Variants in SLC25A16 observed in about 807,000 individuals in gnomAD.
SLC25A16 encodes the protein mitochondrial coenzyme A transporter SLC25A16.
A neutral mutation model predicts 41.5 loss-of-function variants in SLC25A16; 39 were observed. The ratio of observed to expected loss-of-function variants is 0.94; its 90% CI spans 0.73 to 1.23. The LOEUF (loss-of-function observed/expected upper bound fraction) is 1.23, where lower values mean the gene tolerates loss of function less well. Ranked by LOEUF, SLC25A16 falls within the 50% of genes most tolerant of loss-of-function variation. The probability of loss-of-function intolerance (pLI) is 0.00; values close to 1 mark genes in which losing one functional copy is unlikely to be tolerated. For synonymous variants in SLC25A16, 146 were observed against 147.8 expected (o/e 0.99, Z 0.09); for missense variants, 421 against 426.9 (o/e 0.99, Z 0.12).
In SLC25A16 at chr10:68,512,500, G is replaced by T. The variant is rs566864855; in HGVS notation, c.223+4251C>A. Among the ~76,000 whole-genome samples the T allele has an allele frequency of 1.6e-5, 2 of 128,900 alleles. 1 individual carries two copies. Among genetic ancestry groups the T allele is most frequent in the Admixed American group, 1.6e-4 (2 of 12,198 alleles). 84.6% of individuals were successfully genotyped at this position (128,900 alleles called of 152,430 possible). ...AAAAAATACAAAAAATTAGCCGGGC[G>T]TAGTGGCGGGCGCCTGTAGTCCCAG... On this transcript the variant is annotated intron_variant, in intron 2 of 8. Transcript: ENST00000609923.
intron 1 of SLC25A16, among the ~76,000 whole-genome samples, chr10:68,520,697 AGCTACACGGGAG>A (rs1308972511): frequency 2.0e-5 from 3 of 151,952 alleles, no homozygotes; most frequent in Admixed American, 6.6e-5. Context: ...CTGTAATCCC[AGCTACACGGGAG>A]GCTGAGGCAG....
intron 2 of SLC25A16, among the ~76,000 whole-genome samples, chr10:68,509,168 C>T (rs1328856086): frequency 6.6e-6 from 1 of 151,880 alleles, no homozygotes; most frequent in Non-Finnish European, 1.5e-5. Context: ...GAAACCCTGT[C>T]TCTCCTAAAA....
chr10:68,516,558 G>T (rs1014012821), intron 2 of SLC25A16, among the ~76,000 whole-genome samples, 193 bp downstream of exon 2: 1 of 152,140 alleles, frequency 6.6e-6, no homozygotes, highest in African/African-American at 2.4e-5. Context: ...AAATATTTAA[G>T]AATGTTAGCA....
chr10:68,521,460 C>T (rs545582780), intron 1 of SLC25A16, among the ~76,000 whole-genome samples: 229 of 152,080 alleles, frequency 1.5e-3, no homozygotes, highest in Middle Eastern at 3.4e-3. Context: ...ACCCAAGAAG[C>T]GGATGTTTCA....
chr10:68,523,695 G>T (rs1472624353), intron 1 of SLC25A16, among the ~76,000 whole-genome samples: 1 of 152,026 alleles, frequency 6.6e-6, no homozygotes, highest in Non-Finnish European at 1.5e-5. Context: ...GGATGGTCTT[G>T]AACTCCTGAC....
At chr10:68,521,967 T>C (rs1053042334) in intron 1 of SLC25A16, among the ~76,000 whole-genome samples, 2 of 151,746 alleles carry the variant, frequency 1.3e-5, no homozygotes, top group Non-Finnish European at 2.9e-5. Context: ...TGGAGACCAG[T>C]CTGGCCAACA....
At chr10:68,521,646 T>A (rs1420429585) in intron 1 of SLC25A16, among the ~76,000 whole-genome samples, 1 of 141,744 alleles carries the variant, frequency 7.1e-6, no homozygotes, top group African/African-American at 2.7e-5. Flanking sequence ...CAGGCTGGAG[T>A]GCAGTGGCGG....
At chr10:68,497,710 G>A (rs776068267) in intron 4 of SLC25A16, among the ~76,000 whole-genome samples, 4 of 150,364 alleles carry the variant, frequency 2.7e-5, no homozygotes, top group African/African-American at 9.8e-5. Context: ...TCCGCCTCCC[G>A]GGTTCAAGCA....
At chr10:68,526,382 TTTGTCTGCTGACCCTCTCCCCACAA>T (rs1384377059) in intron 1 of SLC25A16, among the ~76,000 whole-genome samples, 2 of 152,150 alleles carry the variant, frequency 1.3e-5, no homozygotes, top group African/African-American at 2.4e-5. Flanking sequence ...TGTTCACGTG[TTTGTCTGCTGACCCTCTCCCCACAA>T]TTGTCTTGTG....
chr10:68,488,462 C>T lies in SLC25A16; in HGVS notation c.773+5G>A. 1 of 1,485,804 alleles carries T rather than the reference C, an allele frequency of 6.7e-7. No homozygotes were observed. Among genetic ancestry groups the T allele is most frequent in the Non-Finnish European group, 8.9e-7 (1 of 1,120,360 alleles). 92.0% of individuals were successfully genotyped at this position (1,485,804 alleles called of 1,614,324 possible). A position where few individuals can be genotyped will look rare whatever the true frequency, so the allele number is the denominator to read the frequency against. On this transcript the variant is annotated splice_donor_5th_base_variant and intron_variant, in intron 7 of 8. Coordinates refer to ENST00000609923, the MANE Select transcript of SLC25A16 (RefSeq NM_152707.4). ...TGATTAAATTAAGTTAGTGAAGAAA[C>T]TTACGATATTGTCTGCGCTATTGCT...
intron 1 of SLC25A16, chr10:68,517,510 G>C (rs2053179400): frequency 6.6e-6 from 1 of 152,002 alleles, no homozygotes; most frequent in African/African-American, 2.4e-5. Flanking sequence ...GTAATGACTT[G>C]AAAAAATGGG....
chr10:68,499,139 G>A lies in SLC25A16; in HGVS notation c.421+4493C>T, dbSNP rs117476767. Among the ~76,000 whole-genome samples, 556 of 152,168 alleles carry A rather than the reference G, an allele frequency of 3.7e-3. 1 individual carries two copies. Among genetic ancestry groups the A allele is most frequent in the Middle Eastern group, 0.017 (5 of 294 alleles). ...GAGGGTTGGGGGAGAGAGAGAGAGA[G>A]AAACCACAAGCTCCTCTTTAACAAA... On this transcript the variant is annotated intron_variant, in intron 4 of 8. Coordinates refer to ENST00000609923, the MANE Select transcript of SLC25A16 (RefSeq NM_152707.4).
chr10:68,516,273 T>C (rs532967858), intron 2 of SLC25A16, among the ~76,000 whole-genome samples: 2 of 152,126 alleles, frequency 1.3e-5, no homozygotes, highest in Admixed American at 6.6e-5. Flanking sequence ...CCAGTTTCCA[T>C]TGGCTGGAAC....
At chr10:68,504,976 A>G (rs1334118888) in intron 3 of SLC25A16, among the ~76,000 whole-genome samples, 1 of 152,118 alleles carries the variant, frequency 6.6e-6, no homozygotes, top group East Asian at 1.9e-4. Context: ...CACTGTGCCC[A>G]GCCAGTTTCA....
At chr10:68,487,887 TCTGTCGCCCAGGCTGGA>T (rs2052591109) in intron 7 of SLC25A16, among the ~76,000 whole-genome samples, 1 of 151,956 alleles carries the variant, frequency 6.6e-6, no homozygotes, top group East Asian at 1.9e-4. Context: ...GGAGTCTCAC[TCTGTCGCCCAGGCTGGA>T]GTGCAGTGAC....
intron 6 of SLC25A16, among the ~76,000 whole-genome samples, chr10:68,489,160 T>G (rs571991929): frequency 4.6e-4 from 70 of 152,178 alleles, no homozygotes; most frequent in African/African-American, 1.6e-3. Context: ...TCCCAGCTAC[T>G]CGGGAGGCTG....
At chr10:68,494,811 G>A (rs1373962177) in intron 4 of SLC25A16, among the ~76,000 whole-genome samples, 3 of 151,370 alleles carry the variant, frequency 2.0e-5, no homozygotes, top group East Asian at 3.9e-4. Flanking sequence ...CTCAGGAGGC[G>A]GAGGTTGCAG....
rs752905262 is a variant in SLC25A16, at chr10:68,483,443, G to GA, written c.987dup (p.His330SerfsTer21). The GA allele has an allele frequency of 6.3e-7, 1 of 1,583,374 alleles. No homozygotes were observed. The highest frequency in any genetic ancestry group is 1.4e-5 in the African/African-American group (1 of 73,764). Reference sequence around the variant, plus strand: ...ACCATAATTTTTTTTTAGTTGAGGTGAAAAAACTGCTTCATAAGTTCGTAT... The same window carrying GA: ...ACCATAATTTTTTTTTAGTTGAGGTGAAAAAAACTGCTTCATAAGTTCGTAT... On this transcript the variant is annotated frameshift_variant, in exon 9 of 9. Transcript: ENST00000609923. LOFTEE classifies it high-confidence loss of function.
chr10:68,522,028 C>T (rs2053258993), intron 1 of SLC25A16, among the ~76,000 whole-genome samples: 1 of 151,814 alleles, frequency 6.6e-6, no homozygotes. Flanking sequence ...GGCGTGATGG[C>T]GCACACCACC....
Sources: gnomAD v4.1 joint callset for allele counts (sites outside exome capture counted in the v4.1 genomes callset) on GRCh38, gnomAD v4.1.1 for gene constraint, MANE v1.5 for transcripts, NCBI Gene and HGNC (gene_info 2026-07-23, HGNC 2026-07-21) for gene names.